The following ZNF292 variants were observed in gnomAD, a reference collection of about 807,000 sequenced individuals.
ZNF292 encodes 16 zinc-finger domain protein.
Under a neutral mutation model 217.9 loss-of-function variants are expected in ZNF292, and 26 were observed. The observed-to-expected ratio is 0.12, with a 90% confidence interval of 0.09 to 0.17. ZNF292 has a LOEUF of 0.17. ZNF292 is among the 10% of genes least tolerant of loss of function. The pLI is 1.00. For missense variants in ZNF292, 2,904 were observed against 3,175.2 expected (o/e 0.91, Z 2.05); for synonymous variants, 1,257 against 1,124.1 (o/e 1.12, Z -2.37).
chr6:87,231,649 T>G (rs1773662307), intron 4 of ZNF292, among the ~76,000 whole-genome samples: 1 of 152,222 alleles, frequency 6.6e-6, no homozygotes, highest in Non-Finnish European at 1.5e-5. Flanking sequence ...ATGCAGAAAT[T>G]ACACAATTTG....
intron 4 of ZNF292, among the ~76,000 whole-genome samples, chr6:87,227,553 A>G (rs1773418645): frequency 6.6e-6 from 1 of 152,172 alleles, no homozygotes; most frequent in African/African-American, 2.4e-5. Flanking sequence ...TTTCATCTTG[A>G]ACCCCAAGGT....
At chr6:87,178,767 A>T (rs1219820951) in intron 1 of ZNF292, among the ~76,000 whole-genome samples, 1 of 152,226 alleles carries the variant, frequency 6.6e-6, no homozygotes, top group East Asian at 1.9e-4. Context: ...AACTAAGTAA[A>T]ACATTTTATT....
At chr6:87,160,487 A>ATGTGTGTGTGTGTG (rs141208047) in intron 1 of ZNF292, among the ~76,000 whole-genome samples, 4 of 77,866 alleles carry the variant, frequency 5.1e-5, no homozygotes, top group African/African-American at 1.5e-4. Flanking sequence ...GTGTTTGTAT[A>ATGTGTGTGTGTGTG]TATATGTGTG....
At position 87,186,007 on chromosome 6, in the gene ZNF292, A is replaced by T. The variant is rs115428565; in HGVS notation, c.169-29896A>T. Among the ~76,000 whole-genome samples the T allele has an allele frequency of 5.6e-3, 860 of 152,244 alleles. 8 individuals carry two copies. Among genetic ancestry groups the T allele is most frequent in the African/African-American group, 0.02 (823 of 41,550 alleles). ...TTTATGAAAGTTTCATTACCTAGGC[A>T]TGATTGATTACGTAATTGGCCATTG... On this transcript the variant is annotated intron_variant, in intron 1 of 7. Coordinates refer to ENST00000369577, the MANE Select transcript of ZNF292 (RefSeq NM_015021.3).
chr6:87,260,493 T>C lies in ZNF292; in HGVS notation c.6864T>C (p.His2288=), dbSNP rs758386760. ...FNKHNDKHKA[H]LIRPRRLTPG... is the part of the protein sequence containing the mutation. ...AGCATAATGACAAACATAAGGCTCA[T>C]TTGATTCGTCCAAGAAGATTAACAC... The change falls in exon 8 of 8, where the codon CAT becomes CAC. Residue 2288 remains histidine (H), a synonymous_variant. Coordinates refer to ENST00000369577, the MANE Select transcript of ZNF292 (RefSeq NM_015021.3). The C allele has an allele frequency of 6.2e-7, 1 of 1,613,550 alleles. No individual in the cohort carries two copies. The highest frequency in any genetic ancestry group is 1.1e-5 in the South Asian group (1 of 91,058).
intron 1 of ZNF292, among the ~76,000 whole-genome samples, chr6:87,196,657 G>A (rs1055240795): frequency 3.3e-5 from 5 of 151,062 alleles, no homozygotes; most frequent in Non-Finnish European, 5.9e-5. Context: ...ACTAAGTGTT[G>A]AACCAGGTTG....
At chr6:87,170,310 T>C (rs1771059258) in intron 1 of ZNF292, 1 of 152,212 alleles carries the variant, frequency 6.6e-6, no homozygotes, top group Non-Finnish European at 1.5e-5. Flanking sequence ...CTCCCTAAAA[T>C]AGGATAGTGC....
intron 1 of ZNF292, among the ~76,000 whole-genome samples, chr6:87,165,711 C>G (rs1242676816): frequency 6.9e-6 from 1 of 144,330 alleles, no homozygotes; most frequent in African/African-American, 2.6e-5. Flanking sequence ...CCAGAACATT[C>G]TTTTATTTAG....
At chr6:87,212,500 GT>G (rs1481996132) in intron 1 of ZNF292, among the ~76,000 whole-genome samples, 4 of 152,298 alleles carry the variant, frequency 2.6e-5, no homozygotes, top group Admixed American at 2.0e-4. Flanking sequence ...TCAGCCTAAT[GT>G]TATCTCATTA....
intron 1 of ZNF292, among the ~76,000 whole-genome samples, chr6:87,213,456 A>G (rs1209358162): frequency 9.2e-5 from 14 of 152,206 alleles, no homozygotes; most frequent in Admixed American, 9.2e-4. Context: ...CTGCTGTGTC[A>G]TTCCTGTATT....
chr6:87,179,859 C>CTAT (rs1207475743), intron 1 of ZNF292, among the ~76,000 whole-genome samples: 2 of 152,130 alleles, frequency 1.3e-5, no homozygotes, highest in Admixed American at 1.3e-4. Flanking sequence ...ACAGCAACAG[C>CTAT]CCAGTCAGAT....
At chr6:87,245,684 C>T in intron 7 of ZNF292, 40 bp downstream of exon 7, 3 of 1,254,022 alleles carry the variant, frequency 2.4e-6, no homozygotes, top group Non-Finnish European at 3.3e-6. Flanking sequence ...AAAATGTGTA[C>T]ATTATCATTA....
At chr6:87,239,548 C>T (rs1426348621) in intron 5 of ZNF292, among the ~76,000 whole-genome samples, 6 of 144,144 alleles carry the variant, frequency 4.2e-5, no homozygotes, top group African/African-American at 1.6e-4. Context: ...CCCCACCTCC[C>T]GGACAGGGCG....
intron 1 of ZNF292, among the ~76,000 whole-genome samples, chr6:87,172,144 A>G (rs950433042): frequency 5.9e-5 from 9 of 152,126 alleles, no homozygotes; most frequent in Non-Finnish European, 1.3e-4. Context: ...CCTATGAGGG[A>G]AGGAACTGCA....
At chr6:87,223,881 T>C (rs1293928539) in intron 4 of ZNF292, 1 of 152,206 alleles carries the variant, frequency 6.6e-6, no homozygotes, top group Non-Finnish European at 1.5e-5. Context: ...CTTGCTCCTT[T>C]TATTGGAGAA....
In ZNF292 at chr6:87,217,430, C is replaced by G. The variant is rs757902392; in HGVS notation, c.402+1053C>G. ...GTCACATTGCAACTAACTTTTTGAT[C>G]ATGCATATTCTACTTCGGATATCCG... is the stretch of plus-strand genomic sequence containing the variant. On this transcript the variant is annotated intron_variant, in intron 3 of 7. Coordinates refer to ENST00000369577, the MANE Select transcript of ZNF292 (RefSeq NM_015021.3). Among the ~76,000 whole-genome samples the G allele has an allele frequency of 7.9e-5, 12 of 152,120 alleles. No individual in the cohort carries two copies. The East Asian group carries it at 1.2e-3, about 15-fold the overall frequency.
chr6:87,168,482 G>GT (rs780544680), intron 1 of ZNF292, among the ~76,000 whole-genome samples: 5 of 151,916 alleles, frequency 3.3e-5, no homozygotes, highest in South Asian at 2.1e-4. Context: ...CTTCGTAATA[G>GT]TTTTTTTTGA....
chr6:87,238,689 AT>A (rs201198900), intron 5 of ZNF292, among the ~76,000 whole-genome samples: 29 of 132,490 alleles, frequency 2.2e-4, no homozygotes, highest in South Asian at 4.7e-4. Flanking sequence ...TGATTTATAT[AT>A]TTTTTTTTTA....
At chr6:87,183,432 C>T (rs1771529819) in intron 1 of ZNF292, among the ~76,000 whole-genome samples, 1 of 152,016 alleles carries the variant, frequency 6.6e-6, no homozygotes, top group Non-Finnish European at 1.5e-5. Flanking sequence ...AAAATGGTCC[C>T]TTCAGTTGGG....
Sources: gnomAD v4.1 joint callset for allele counts (sites outside exome capture counted in the v4.1 genomes callset) on GRCh38, gnomAD v4.1.1 for gene constraint, MANE v1.5 for transcripts, NCBI Gene and HGNC (gene_info 2026-07-23, HGNC 2026-07-21) for gene names.